Variants in PREX2 observed in about 807,000 individuals in gnomAD.
PREX2 encodes the protein phosphatidylinositol-3,4,5-trisphosphate dependent Rac exchange factor 2.
PREX2 carries 107 observed loss-of-function variants against 203.2 expected under a neutral mutation model. The ratio of observed to expected loss-of-function variants is 0.53; its 90% CI spans 0.45 to 0.62. The LOEUF (loss-of-function observed/expected upper bound fraction) is 0.62, where lower values mean the gene tolerates loss of function less well. Ranked by LOEUF, PREX2 falls within the 20% of genes least tolerant of loss-of-function variation. The pLI, the probability that PREX2 is intolerant of heterozygous loss-of-function variation, is 0.00. For missense variants in PREX2, 1,777 were observed against 1,955.9 expected (o/e 0.91, Z 1.72); for synonymous variants, 672 against 663.6 (o/e 1.01, Z -0.19).
Position 68,235,193 on chromosome 8 carries a change from C to G in PREX2, c.*3815C>G, listed in dbSNP as rs887949224. ...TGATTTAATGCAGAGCAGTTATTCA[C>G]TTATACTTCTGAAAAGCCATAATAT... On this transcript the variant is annotated 3_prime_UTR_variant, in exon 40 of 40. Transcript: ENST00000288368. The G allele has an allele frequency of 1.3e-5, 2 of 152,078 alleles. No individual in the cohort carries two copies. Among genetic ancestry groups the G allele is most frequent in the African/African-American group, 4.8e-5 (2 of 41,424 alleles). 9.4% of individuals were successfully genotyped at this position (152,078 alleles called of 1,614,324 possible). A position where few individuals can be genotyped will look rare whatever the true frequency, so the allele number is the denominator to read the frequency against.
intron 31 of PREX2, among the ~76,000 whole-genome samples, chr8:68,132,105 A>G (rs1006967151): frequency 6.6e-6 from 1 of 152,172 alleles, no homozygotes; most frequent in East Asian, 1.9e-4. Flanking sequence ...GTAAAATTAA[A>G]TCCAGATATT....
At chr8:68,116,037 T>G (rs1810651462) in intron 26 of PREX2, 105 bp downstream of exon 26, 2 of 976,122 alleles carry the variant, frequency 2.0e-6, no homozygotes, top group South Asian at 1.8e-5. Flanking sequence ...TTCTTTTAAT[T>G]GGTCTTTCAC....
chr8:68,212,850 CA>C (rs1456769090), intron 37 of PREX2, among the ~76,000 whole-genome samples: 1 of 149,372 alleles, frequency 6.7e-6, no homozygotes. Context: ...CTGTCAAATG[CA>C]AAAAAAGAAA....
At chr8:68,032,280 G>A (rs1459670742) in intron 6 of PREX2, among the ~76,000 whole-genome samples, 1 of 152,148 alleles carries the variant, frequency 6.6e-6, no homozygotes, top group Non-Finnish European at 1.5e-5. Context: ...CACTTGTTAG[G>A]TATAAGAACT....
At chr8:68,202,551 C>T (rs1470342206) in intron 37 of PREX2, among the ~76,000 whole-genome samples, 2 of 152,110 alleles carry the variant, frequency 1.3e-5, no homozygotes, top group African/African-American at 2.4e-5. Context: ...CAGGATTTTA[C>T]AGTATTACAG....
At chr8:68,157,924 C>G (rs564359426) in intron 35 of PREX2, among the ~76,000 whole-genome samples, 22 of 151,814 alleles carry the variant, frequency 1.4e-4, no homozygotes, top group Non-Finnish European at 2.9e-4. Flanking sequence ...TTGCATTTTA[C>G]TGTCTTTTTC....
Position 68,080,576 on chromosome 8 carries a change from G to A in PREX2, c.1776G>A (p.Lys592=). ...DLKVVENVIA[K]SLLIKSNEGS... is the part of the protein sequence containing the mutation. ...AAGTTGTGGAAAATGTTATAGCTAAGTCATTATTGGTAAGTTTATTGATAT... is the reference window on the plus strand; with the variant it reads ...AAGTTGTGGAAAATGTTATAGCTAAATCATTATTGGTAAGTTTATTGATAT... Residue 592 remains lysine (K), a synonymous_variant, in exon 16 of 40, where the codon AAG becomes AAA. Transcript: ENST00000288368. 6.2e-7 allele frequency: 1 copy of A among 1,600,016 alleles called. No homozygotes were observed. The highest frequency in any genetic ancestry group is 8.5e-7 in the Non-Finnish European group (1 of 1,170,466).
chr8:68,178,484 TC>T (rs1000809070), intron 35 of PREX2, among the ~76,000 whole-genome samples: 9 of 152,216 alleles, frequency 5.9e-5, no homozygotes, highest in African/African-American at 2.2e-4. Flanking sequence ...TGTTTTTTTT[TC>T]TTTTAAATTT....
In PREX2 at chr8:67,952,278, T is replaced by C; in HGVS notation, c.-117T>C. 9.6e-6 allele frequency: 8 copies of C among 833,492 alleles called. No individual in the cohort carries two copies. Among genetic ancestry groups the C allele is most frequent in the Admixed American group, 4.4e-5 (1 of 22,492 alleles). The allele number at this position is 833,492 out of a possible 1,614,324, so 51.6% of individuals were successfully genotyped here. A position where few individuals can be genotyped will look rare whatever the true frequency, so the allele number is the denominator to read the frequency against. Reference sequence around the variant, plus strand: ...AGCATGTAAAGTCTTCTGTCTCTCCTCGGAGTTGGCGGAGGCGGCAACTTT... The same window carrying C: ...AGCATGTAAAGTCTTCTGTCTCTCCCCGGAGTTGGCGGAGGCGGCAACTTT... On this transcript the variant is annotated 5_prime_UTR_variant, in exon 1 of 40. Coordinates refer to ENST00000288368, the MANE Select transcript of PREX2 (RefSeq NM_024870.4).
intron 1 of PREX2, among the ~76,000 whole-genome samples, chr8:67,955,086 G>A (rs1446848853): frequency 1.4e-5 from 2 of 143,182 alleles, no homozygotes; most frequent in Admixed American, 7.3e-5. Flanking sequence ...GGAGGTTGCA[G>A]TGAGCCGAGA....
chr8:68,096,655 T>C lies in PREX2; in HGVS notation c.2369-362T>C, dbSNP rs117762871. On this transcript the variant is annotated intron_variant, in intron 21 of 39. Coordinates refer to ENST00000288368, the MANE Select transcript of PREX2 (RefSeq NM_024870.4). ...TTTTCCTGCTTTAAGAAAATATTCA[T>C]ACAACATTCGAGGCAGTTTTAGAAA... 1.1e-4 allele frequency among the ~76,000 whole-genome samples: 17 copies of C among 152,258 alleles called. 1 individual carries two copies. The East Asian group carries it at 3.1e-3, about 28-fold the overall frequency.
chr8:68,176,662 A>G (rs776723456), intron 35 of PREX2: 1 of 152,182 alleles, frequency 6.6e-6, no homozygotes, highest in Non-Finnish European at 1.5e-5. Context: ...TGCCTAACCT[A>G]TAGAATGGCT....
At chr8:68,212,148 C>T (rs1406517583) in intron 37 of PREX2, among the ~76,000 whole-genome samples, 1 of 152,092 alleles carries the variant, frequency 6.6e-6, no homozygotes, top group Non-Finnish European at 1.5e-5. Flanking sequence ...TATTGAGCTC[C>T]ACACTTGTTC....
chr8:68,154,609 G>A (rs1811505886), intron 34 of PREX2, among the ~76,000 whole-genome samples: 1 of 152,202 alleles, frequency 6.6e-6, no homozygotes, highest in South Asian at 2.1e-4. Context: ...TTTTATCAGG[G>A]AGAGTTTCTT....
intron 35 of PREX2, among the ~76,000 whole-genome samples, chr8:68,180,546 A>T (rs1812064083): frequency 6.6e-6 from 1 of 152,048 alleles, no homozygotes; most frequent in Admixed American, 6.6e-5. Flanking sequence ...CAAAGTGTGA[A>T]TAGTGAGGCA....
intron 1 of PREX2, among the ~76,000 whole-genome samples, chr8:67,978,462 TATCCATTATATA>T (rs1417620361): frequency 6.6e-6 from 1 of 152,212 alleles, no homozygotes; most frequent in Admixed American, 6.5e-5. Context: ...TGAATAGACT[TATCCATTATATA>T]ATCCATTATA....
At chr8:68,225,093 T>A (rs1022879845) in intron 39 of PREX2, among the ~76,000 whole-genome samples, 1 of 152,196 alleles carries the variant, frequency 6.6e-6, no homozygotes, top group African/African-American at 2.4e-5. Flanking sequence ...TCTTGTCATA[T>A]TGACCTATGA....
At chr8:68,141,243 T>A (rs1811224407) in intron 33 of PREX2, among the ~76,000 whole-genome samples, 2 of 152,196 alleles carry the variant, frequency 1.3e-5, no homozygotes, top group South Asian at 4.2e-4. Context: ...AGGAGAATAA[T>A]GTAATGACAG....
At chr8:68,222,538 T>G (rs918835004) in intron 38 of PREX2, among the ~76,000 whole-genome samples, 1 of 151,884 alleles carries the variant, frequency 6.6e-6, no homozygotes, top group Non-Finnish European at 1.5e-5. Flanking sequence ...AATAAATAAT[T>G]TGGGGAGAAG....
Sources: allele counts gnomAD v4.1 joint callset (sites outside exome capture counted in the v4.1 genomes callset), GRCh38; gene constraint gnomAD v4.1.1; transcripts MANE v1.5; gene names NCBI Gene and HGNC (gene_info 2026-07-23, HGNC 2026-07-21).